MYO5B: variants seen among roughly 807,000 people sequenced by gnomAD.
The protein encoded by MYO5B is myosin VB, also known as unconventional myosin-Vb.
Under a neutral mutation model 229.3 loss-of-function variants are expected in MYO5B, and 143 were observed. That is an observed-to-expected ratio of 0.62 (90% CI 0.54 to 0.72). The LOEUF (loss-of-function observed/expected upper bound fraction) is 0.72. MYO5B is among the 30% of genes least tolerant of loss of function. The pLI is 0.00. For synonymous variants in MYO5B, 918 were observed against 885.2 expected, an observed-to-expected ratio of 1.04 and a Z score of -0.66; for missense variants, 2,321 against 2,331.0, an observed-to-expected ratio of 1.00 and a Z score of 0.09.
intron 22 of MYO5B, among the ~76,000 whole-genome samples, chr18:49,889,694 T>C (rs1199077222): frequency 6.6e-6 from 1 of 152,208 alleles, no homozygotes; most frequent in Non-Finnish European, 1.5e-5. Context: ...ACACAGTCAA[T>C]ATCCCTCTGA....
chr18:49,941,280 C>G (rs2025310618), intron 14 of MYO5B, among the ~76,000 whole-genome samples: 2 of 152,200 alleles, frequency 1.3e-5, no homozygotes, highest in South Asian at 4.1e-4. Flanking sequence ...TAAGTTCAGT[C>G]TAAAAGCACC....
intron 21 of MYO5B, among the ~76,000 whole-genome samples, chr18:49,900,929 C>A (rs1264543383): frequency 6.6e-6 from 1 of 152,198 alleles, no homozygotes; most frequent in African/African-American, 2.4e-5. Flanking sequence ...CCCATTATGG[C>A]TGTGGGATCA....
intron 17 of MYO5B, among the ~76,000 whole-genome samples, chr18:49,927,081 G>C (rs1213195728): frequency 6.6e-6 from 1 of 152,152 alleles, no homozygotes; most frequent in Non-Finnish European, 1.5e-5. Context: ...TCTAGAGATG[G>C]ATGATGGTGA....
At chr18:49,937,421 G>C (rs1340576159) in intron 14 of MYO5B, 24 bp from the exon 15 acceptor site, 2 of 1,612,386 alleles carry the variant, frequency 1.2e-6, no homozygotes, top group Admixed American at 1.7e-5. Flanking sequence ...CAGGAAGAAT[G>C]ATGAAAGTGA....
intron 1 of MYO5B, among the ~76,000 whole-genome samples, chr18:50,090,560 C>T (rs551127154): frequency 1.1e-3 from 168 of 152,292 alleles, no homozygotes; most frequent in African/African-American, 3.5e-3. Context: ...GGGAAACCAC[C>T]GCCAAAATCA....
At chr18:49,944,795 C>A (rs563297602) in intron 14 of MYO5B, among the ~76,000 whole-genome samples, 1 of 152,254 alleles carries the variant, frequency 6.6e-6, no homozygotes, top group East Asian at 1.9e-4. Context: ...CAGCCTGTCT[C>A]TCTTCTCACT....
chr18:49,954,459 G>GAGC, intron 12 of MYO5B, 24 bp from the exon 13 acceptor site: 2 of 1,613,776 alleles, frequency 1.2e-6, no homozygotes, highest in Non-Finnish European at 8.5e-7. Flanking sequence ...AGATAGGGCA[G>GAGC]AGCGCTTTGT....
intron 5 of MYO5B, among the ~76,000 whole-genome samples, chr18:49,998,188 A>C (rs746559797): frequency 3.3e-5 from 5 of 152,188 alleles, no homozygotes; most frequent in Non-Finnish European, 7.3e-5. Context: ...TCTCTCAAAC[A>C]TAACACTTAA....
intron 4 of MYO5B, among the ~76,000 whole-genome samples, chr18:50,007,909 G>T (rs1444327605): frequency 6.6e-6 from 1 of 152,170 alleles, no homozygotes; most frequent in African/African-American, 2.4e-5. Context: ...AGAGAAAATA[G>T]AAGTTTGGAA....
At chr18:50,168,893 C>A (rs1188593319) in intron 1 of MYO5B, among the ~76,000 whole-genome samples, 2 of 127,672 alleles carry the variant, frequency 1.6e-5, no homozygotes, top group African/African-American at 3.0e-5. Flanking sequence ...AAGCCCCATG[C>A]CTGTGCCCAC....
At chr18:50,088,855 C>CT (rs1453755852) in intron 1 of MYO5B, among the ~76,000 whole-genome samples, 1 of 152,188 alleles carries the variant, frequency 6.6e-6, no homozygotes, top group Non-Finnish European at 1.5e-5. Context: ...CATATTACAC[C>CT]TTTTTGGTTC....
chr18:49,930,210 AAGC>A (rs1184992614), intron 16 of MYO5B, among the ~76,000 whole-genome samples: 2 of 152,204 alleles, frequency 1.3e-5, no homozygotes, highest in African/African-American at 2.4e-5. Context: ...TGGTCCCTGA[AAGC>A]AGGTGGAACC....
At chr18:49,833,420 GA>G (rs1297746074) in intron 39 of MYO5B, among the ~76,000 whole-genome samples, 1 of 152,276 alleles carries the variant, frequency 6.6e-6, no homozygotes, top group Non-Finnish European at 1.5e-5. Context: ...TGTATAGGTA[GA>G]AACAACATAA....
chr18:49,965,058 G>A (rs1394664537), intron 10 of MYO5B, among the ~76,000 whole-genome samples: 1 of 152,212 alleles, frequency 6.6e-6, no homozygotes, highest in Admixed American at 6.5e-5. Context: ...TGAGCCGGGG[G>A]AGAGTGTGCA....
At chr18:49,959,516 A>C (rs1425988202) in intron 12 of MYO5B, among the ~76,000 whole-genome samples, 1 of 152,114 alleles carries the variant, frequency 6.6e-6, no homozygotes, top group Non-Finnish European at 1.5e-5. Context: ...GGGGCGGGGG[A>C]CACTGGCCTC....
At chr18:50,120,877 G>A in intron 1 of MYO5B, among the ~76,000 whole-genome samples, 1 of 152,174 alleles carries the variant, frequency 6.6e-6, no homozygotes, top group Non-Finnish European at 1.5e-5. Context: ...AAGCTGACCT[G>A]CACGCCATTT....
At chr18:49,850,170 G>A in intron 31 of MYO5B, 1 of 216,508 alleles carries the variant, frequency 4.6e-6, no homozygotes, top group Non-Finnish European at 9.3e-6. Flanking sequence ...AAGCCCATCA[G>A]CCCACTGAGA....
chr18:49,965,684 A>T (rs1255055179), intron 10 of MYO5B, among the ~76,000 whole-genome samples: 1 of 152,198 alleles, frequency 6.6e-6, no homozygotes, highest in Non-Finnish European at 1.5e-5. Flanking sequence ...GTGCTGCCCA[A>T]GGCCAGAGAG....
intron 14 of MYO5B, among the ~76,000 whole-genome samples, chr18:49,939,816 T>C (rs1199822008): frequency 1.3e-5 from 2 of 152,232 alleles, no homozygotes; most frequent in South Asian, 4.1e-4. Flanking sequence ...GCTTCAGATA[T>C]AGCCTTGACT....
Sources: gnomAD v4.1 joint callset for allele counts (sites outside exome capture counted in the v4.1 genomes callset) on GRCh38, gnomAD v4.1.1 for gene constraint, MANE v1.5 for transcripts, NCBI Gene and HGNC (gene_info 2026-07-23, HGNC 2026-07-21) for gene names.